Variants in PRCP observed in about 807,000 individuals in gnomAD.
PRCP encodes the protein prolylcarboxypeptidase, also known as lysosomal Pro-X carboxypeptidase.
A neutral mutation model predicts 54.2 loss-of-function variants in PRCP; 46 were observed. The ratio of observed to expected loss-of-function variants is 0.85; its 90% CI spans 0.67 to 1.09. The LOEUF (loss-of-function observed/expected upper bound fraction) is 1.09. Among genes scored for constraint, PRCP ranks in the 50% least tolerant of loss-of-function variants. The probability of loss-of-function intolerance (pLI) is 0.00; values close to 1 mark genes in which losing one functional copy is unlikely to be tolerated. For synonymous variants in PRCP, 240 were observed against 212.2 expected (o/e 1.13, Z -1.14); for missense variants, 613 against 596.8 (o/e 1.03, Z -0.28).
intron 8 of PRCP, chr11:82,830,653 A>AAAAAAAAAAAAAAAT (rs1565215932): frequency 6.6e-6 from 1 of 150,706 alleles, no homozygotes; most frequent in African/African-American, 2.4e-5. Flanking sequence ...AAAAAAAAAA[A>AAAAAAAAAAAAAAAT]AACTACACTC....
chr11:82,882,738 G>A (rs1056494760), intron 1 of PRCP, among the ~76,000 whole-genome samples: 11 of 147,656 alleles, frequency 7.4e-5, no homozygotes, highest in Admixed American at 4.0e-4. Flanking sequence ...CTCGTGATCC[G>A]CCCGCCTCGG....
At chr11:82,865,391 C>T (rs1859307748) in intron 1 of PRCP, among the ~76,000 whole-genome samples, 2 of 152,166 alleles carry the variant, frequency 1.3e-5, no homozygotes, top group African/African-American at 4.8e-5. Flanking sequence ...AGTTACATTG[C>T]AGAATATGTG....
chr11:82,890,234 C>T (rs998825910), intron 1 of PRCP, among the ~76,000 whole-genome samples: 8 of 152,210 alleles, frequency 5.3e-5, no homozygotes, highest in Non-Finnish European at 1.2e-4. Flanking sequence ...AGTGCATTTA[C>T]TTTCCTTCTC....
intron 1 of PRCP, among the ~76,000 whole-genome samples, chr11:82,866,691 G>C (rs529625574): frequency 3.0e-4 from 45 of 152,176 alleles, no homozygotes; most frequent in Non-Finnish European, 5.1e-4. Flanking sequence ...CAGTGCCCTT[G>C]TACATGGCAG....
rs150191011 is a variant in PRCP, at chr11:82,867,475, G to C, written c.169-7358C>G. ...AAATAACATGTTTTGACAAATAACAGTTAAGTGTTTCATTAGAGGGAGATT... is the reference window on the plus strand; with the variant it reads ...AAATAACATGTTTTGACAAATAACACTTAAGTGTTTCATTAGAGGGAGATT... On this transcript the variant is annotated intron_variant, in intron 1 of 8. Coordinates refer to ENST00000313010, the MANE Select transcript of PRCP (RefSeq NM_005040.4). Among the ~76,000 whole-genome samples the C allele has an allele frequency of 4.3e-3, 651 of 152,278 alleles. 9 individuals carry two copies. Among genetic ancestry groups the C allele is most frequent in the African/African-American group, 0.015 (604 of 41,548 alleles).
chr11:82,894,203 C>A (rs1309769086), intron 1 of PRCP, among the ~76,000 whole-genome samples: 3 of 152,028 alleles, frequency 2.0e-5, no homozygotes, highest in Non-Finnish European at 2.9e-5. Flanking sequence ...CTGCAATAGA[C>A]CCACAACCAA....
upstream of PRCP, chr11:82,900,779 T>C (rs1484337516): frequency 8.5e-6 from 4 of 472,694 alleles, no homozygotes; most frequent in Admixed American, 2.3e-5. Flanking sequence ...CCAATATCCC[T>C]ACCATTATCA....
intron 1 of PRCP, among the ~76,000 whole-genome samples, chr11:82,898,925 G>A (rs182156904): frequency 5.9e-5 from 9 of 152,202 alleles, no homozygotes; most frequent in Non-Finnish European, 1.0e-4. Flanking sequence ...CAGGGGCATC[G>A]CTTGAGCCCA....
chr11:82,841,058 A>ATATATATATATATATATATAT (rs1178732590), intron 6 of PRCP, among the ~76,000 whole-genome samples: 2 of 149,628 alleles, frequency 1.3e-5, no homozygotes, highest in Non-Finnish European at 3.0e-5. Flanking sequence ...TATATAATAG[A>ATATATATATATATATATATAT]CTAGTCCTGA....
chr11:82,889,363 CA>C (rs35397311), intron 1 of PRCP, among the ~76,000 whole-genome samples: 80,511 of 141,278 alleles, frequency 0.57, 22,617 homozygotes, highest in African/African-American at 0.71. Flanking sequence ...GACTCTGTCT[CA>C]AAAAAAAAAC....
At chr11:82,892,032 T>C (rs1228290815) in intron 1 of PRCP, among the ~76,000 whole-genome samples, 2 of 152,210 alleles carry the variant, frequency 1.3e-5, no homozygotes, top group African/African-American at 4.8e-5. Context: ...TTCACTTCAC[T>C]TTTAGAAGTG....
At chr11:82,827,089 G>A (rs1443631355) in intron 8 of PRCP, 3 of 152,010 alleles carry the variant, frequency 2.0e-5, no homozygotes, top group African/African-American at 7.2e-5. Flanking sequence ...ATTTTTATGG[G>A]TGTCCTAATA....
intron 1 of PRCP, among the ~76,000 whole-genome samples, chr11:82,868,658 G>C (rs1181222916): frequency 6.6e-6 from 1 of 152,152 alleles, no homozygotes; most frequent in Non-Finnish European, 1.5e-5. Flanking sequence ...GCAAGGCTAT[G>C]ATGAGCTATA....
At chr11:82,886,073 A>C (rs900904765) in intron 1 of PRCP, among the ~76,000 whole-genome samples, 5 of 152,184 alleles carry the variant, frequency 3.3e-5, no homozygotes, top group Non-Finnish European at 5.9e-5. Context: ...TTCTGATGCT[A>C]ACATAGTTCC....
At chr11:82,833,287 T>C (rs1858433299) in intron 8 of PRCP, among the ~76,000 whole-genome samples, 1 of 152,126 alleles carries the variant, frequency 6.6e-6, no homozygotes, top group Admixed American at 6.6e-5. Flanking sequence ...CAGGTGCTAG[T>C]AGAAGTAAGG....
At chr11:82,852,264 C>T (rs1427877013) in intron 3 of PRCP, among the ~76,000 whole-genome samples, 1 of 152,146 alleles carries the variant, frequency 6.6e-6, no homozygotes, top group African/African-American at 2.4e-5. Flanking sequence ...AACATTTTTA[C>T]TTATTTTTAC....
intron 1 of PRCP, among the ~76,000 whole-genome samples, chr11:82,887,090 T>G (rs769210469): frequency 3.9e-5 from 6 of 152,226 alleles, no homozygotes; most frequent in Admixed American, 1.3e-4. Flanking sequence ...CTTAGGATCT[T>G]GTACATGATA....
chr11:82,863,054 G>A (rs1311580109), intron 1 of PRCP, among the ~76,000 whole-genome samples: 1 of 152,184 alleles, frequency 6.6e-6, no homozygotes, highest in South Asian at 2.1e-4. Flanking sequence ...TCCAGGTGAG[G>A]TCCCCAGACC....
Position 82,849,992 on chromosome 11 carries a change from C to A in PRCP, c.673G>T (p.Asp225Tyr). The part of the protein sequence containing the change: ...CGVFMKIVTT[D>Y]FRKSGPHCSE... ...CAATGTGGACCGCTTTTCCTAAAAT[C>A]TGTAGTTACGATCTTCATAAATACA... The change falls in exon 5 of 9, where the codon GAT (aspartate) becomes TAT (tyrosine). Residue 225 changes from aspartate to tyrosine, a missense_variant. By Grantham distance (160) the Asp-to-Tyr change is radical. Transcript: ENST00000313010. 3 of 1,562,724 alleles carry A rather than the reference C, an allele frequency of 1.9e-6. No homozygotes were observed. The highest frequency in any genetic ancestry group is 2.6e-6 in the Non-Finnish European group (3 of 1,153,330).
Sources: allele counts gnomAD v4.1 joint callset (sites outside exome capture counted in the v4.1 genomes callset), GRCh38; gene constraint gnomAD v4.1.1; transcripts MANE v1.5; gene names NCBI Gene and HGNC (gene_info 2026-07-23, HGNC 2026-07-21).